Variants in GRID2 observed in about 807,000 individuals in gnomAD.
GRID2 encodes the protein glutamate ionotropic receptor delta type subunit 2.
A neutral mutation model predicts 114.8 loss-of-function variants in GRID2; 33 were observed. That is an observed-to-expected ratio of 0.29 (90% CI 0.22 to 0.38). The LOEUF (loss-of-function observed/expected upper bound fraction) is 0.38, where lower values mean the gene tolerates loss of function less well. Ranked by LOEUF, GRID2 falls within the 10% of genes least tolerant of loss-of-function variation. GRID2 has a pLI of 1.00. For synonymous variants in GRID2, 505 were observed against 449.9 expected, an observed-to-expected ratio of 1.12 and a Z score of -1.55; for missense variants, 1,184 against 1,257.7, an observed-to-expected ratio of 0.94 and a Z score of 0.89.
intron 12 of GRID2, among the ~76,000 whole-genome samples, chr4:93,495,802 C>T (rs1439861697): frequency 2.0e-5 from 3 of 151,546 alleles, no homozygotes; most frequent in African/African-American, 7.3e-5. Context: ...GCTTCAGAAA[C>T]TTCATATTTC....
intron 2 of GRID2, among the ~76,000 whole-genome samples, chr4:92,874,655 C>T (rs1337578225): frequency 6.6e-6 from 1 of 152,120 alleles, no homozygotes. Flanking sequence ...AATTTAAAGA[C>T]AGAAGCTACA....
At chr4:92,884,897 A>G (rs1746265427) in intron 2 of GRID2, 2 of 388,240 alleles carry the variant, frequency 5.2e-6, no homozygotes, top group Non-Finnish European at 1.0e-5. Context: ...GAATGGTACT[A>G]TCAATGTAGA....
chr4:93,351,531 A>G (rs190819655), intron 8 of GRID2, among the ~76,000 whole-genome samples: 1 of 152,150 alleles, frequency 6.6e-6, no homozygotes, highest in Non-Finnish European at 1.5e-5. Flanking sequence ...CAGAAATGTT[A>G]TGGGCATTAT....
intron 1 of GRID2, among the ~76,000 whole-genome samples, chr4:92,374,645 A>G (rs914849285): frequency 4.6e-5 from 7 of 152,158 alleles, no homozygotes; most frequent in African/African-American, 1.7e-4. Flanking sequence ...TTATGAATAG[A>G]TGAGGAATAA....
chr4:92,637,514 G>C (rs566480140), intron 2 of GRID2, among the ~76,000 whole-genome samples: 43 of 152,114 alleles, frequency 2.8e-4, no homozygotes, highest in African/African-American at 9.9e-4. Flanking sequence ...CACATAACTT[G>C]TATCTGAGAA....
chr4:92,409,319 T>A (rs1174534602), intron 1 of GRID2, among the ~76,000 whole-genome samples: 4 of 152,064 alleles, frequency 2.6e-5, no homozygotes, highest in African/African-American at 9.7e-5. Flanking sequence ...CCATTTTAGG[T>A]CCATTAAATG....
intron 11 of GRID2, among the ~76,000 whole-genome samples, chr4:93,479,040 G>A (rs72668764): frequency 0.014 from 2,155 of 152,120 alleles, 19 homozygotes; most frequent in South Asian, 0.055. Flanking sequence ...GATATTGCAG[G>A]TTCAGTTTTT....
At chr4:92,877,892 A>G (rs920277403) in intron 2 of GRID2, among the ~76,000 whole-genome samples, 1 of 152,116 alleles carries the variant, frequency 6.6e-6, no homozygotes, top group African/African-American at 2.4e-5. Context: ...TCTGCTCAGT[A>G]TATTTACTTC....
At chr4:92,803,419 A>T (rs1310718686) in intron 2 of GRID2, among the ~76,000 whole-genome samples, 1 of 152,050 alleles carries the variant, frequency 6.6e-6, no homozygotes, top group African/African-American at 2.4e-5. Flanking sequence ...AATGTTAAAT[A>T]TAACAAAGAC....
chr4:92,315,260 C>A (rs568441042), intron 1 of GRID2, among the ~76,000 whole-genome samples: 1 of 151,992 alleles, frequency 6.6e-6, no homozygotes, highest in Non-Finnish European at 1.5e-5. Flanking sequence ...CATATGGAAA[C>A]AATGTGATAT....
chr4:93,264,909 AG>A (rs1750648159), intron 8 of GRID2, among the ~76,000 whole-genome samples: 1 of 151,234 alleles, frequency 6.6e-6, no homozygotes. Flanking sequence ...CAGCCTCTCA[AG>A]TAACTGGGAC....
chr4:93,718,240 A>G (rs1200443184), intron 14 of GRID2, among the ~76,000 whole-genome samples: 1 of 152,212 alleles, frequency 6.6e-6, no homozygotes, highest in Non-Finnish European at 1.5e-5. Context: ...GGAAAATGGA[A>G]TCATAAAGAT....
intron 7 of GRID2, among the ~76,000 whole-genome samples, chr4:93,227,016 C>T (rs1466236666): frequency 6.6e-6 from 1 of 152,162 alleles, no homozygotes; most frequent in Non-Finnish European, 1.5e-5. Context: ...TGCTAGGTGG[C>T]CCTGGACAGG....
At chr4:92,886,455 C>T (rs1746373814) in intron 2 of GRID2, among the ~76,000 whole-genome samples, 2 of 151,994 alleles carry the variant, frequency 1.3e-5, no homozygotes, top group South Asian at 4.1e-4. Flanking sequence ...ACACAATAGC[C>T]TTGAAGTGCC....
chr4:93,589,388 T>C (rs1022970528), intron 13 of GRID2, among the ~76,000 whole-genome samples: 2 of 151,934 alleles, frequency 1.3e-5, no homozygotes, highest in South Asian at 4.1e-4. Context: ...GAACTCATCA[T>C]TTTTTATGGC....
intron 8 of GRID2, among the ~76,000 whole-genome samples, chr4:93,383,405 A>G (rs1335033379): frequency 6.6e-6 from 1 of 152,208 alleles, no homozygotes; most frequent in South Asian, 2.1e-4. Flanking sequence ...CAGGATAGGT[A>G]GCTGCTACTG....
At chr4:92,463,781 G>A (rs1721610219) in intron 1 of GRID2, among the ~76,000 whole-genome samples, 1 of 151,820 alleles carries the variant, frequency 6.6e-6, no homozygotes. Flanking sequence ...TATTTTAATA[G>A]GTATTTAACT....
intron 2 of GRID2, among the ~76,000 whole-genome samples, chr4:92,745,554 A>C (rs1737112009): frequency 6.6e-6 from 1 of 152,182 alleles, no homozygotes; most frequent in Admixed American, 6.5e-5. Context: ...AAGAAGAGAT[A>C]TTTTAATACT....
intron 1 of GRID2, among the ~76,000 whole-genome samples, chr4:92,419,067 T>G (rs1434912861): frequency 6.6e-6 from 1 of 152,144 alleles, no homozygotes; most frequent in Non-Finnish European, 1.5e-5. Context: ...GCCTCTGCTA[T>G]AGTGGGATAG....
Sources: allele counts gnomAD v4.1 joint callset (sites outside exome capture counted in the v4.1 genomes callset), GRCh38; gene constraint gnomAD v4.1.1; transcripts MANE v1.5; gene names NCBI Gene and HGNC (gene_info 2026-07-23, HGNC 2026-07-21).